Variants in SMG1 observed in about 807,000 individuals in gnomAD.
SMG1 encodes the protein SMG1 nonsense mediated mRNA decay associated PI3K related kinase.
A neutral mutation model predicts 419.9 loss-of-function variants in SMG1; 22 were observed. The ratio of observed to expected loss-of-function variants is 0.05; its 90% CI spans 0.04 to 0.07. The LOEUF (loss-of-function observed/expected upper bound fraction) is 0.07. Ranked by LOEUF, SMG1 falls within the 10% of genes least tolerant of loss-of-function variation. SMG1 has a pLI of 1.00. For synonymous variants in SMG1, 1,538 were observed against 1,553.5 expected (o/e 0.99, Z 0.23); for missense variants, 3,185 against 4,342.0 (o/e 0.73, Z 7.49).
intron 13 of SMG1, among the ~76,000 whole-genome samples, chr16:18,873,376 T>C (rs1444331934): frequency 1.3e-5 from 2 of 152,068 alleles, no homozygotes; most frequent in African/African-American, 4.8e-5. Flanking sequence ...CCCATCACCA[T>C]GCCCTGCTAA....
chr16:18,863,591 T>C (rs1486941764), intron 25 of SMG1, 59 bp downstream of exon 25: 11 of 1,441,648 alleles, frequency 7.6e-6, no homozygotes, highest in Admixed American at 3.4e-5. Context: ...TTTCTTGCCA[T>C]AGGAAAAACA....
intron 56 of SMG1, among the ~76,000 whole-genome samples, chr16:18,819,251 CCT>C (rs1198480838): frequency 6.6e-6 from 1 of 152,094 alleles, no homozygotes; most frequent in Non-Finnish European, 1.5e-5. Context: ...GAATTTAAGA[CCT>C]CTTTATTTTT....
rs66730720 is a variant in SMG1, at chr16:18,827,856, CTATA to C, written c.9741+171_9741+174del. 2.1e-4 allele frequency among the ~76,000 whole-genome samples: 30 copies of C among 143,806 alleles called. No individual in the cohort carries two copies. The South Asian group carries it at 2.4e-3, about 11-fold the overall frequency. 94.3% of individuals were successfully genotyped at this position (143,806 alleles called of 152,430 possible). On this transcript the variant is annotated intron_variant, in intron 55 of 62. Transcript: ENST00000446231. ...TTATATATCTTTGGTATATATATAC[CTATA>C]TATATATATATATGTATAAATTAAA... is the stretch of plus-strand genomic sequence containing the variant.
At chr16:18,900,204 T>C in intron 1 of SMG1, 2 of 518,692 alleles carry the variant, frequency 3.9e-6, no homozygotes, top group Admixed American at 3.3e-5. Context: ...AAAGCCACTC[T>C]GTGCCTTACA....
At chr16:18,828,235 G>C in intron 54 of SMG1, 67 bp from the exon 55 acceptor site, 2 of 1,533,504 alleles carry the variant, frequency 1.3e-6, no homozygotes, top group Non-Finnish European at 1.8e-6. Context: ...TAAGGGAAGG[G>C]AGGCGCAACC....
intron 55 of SMG1, among the ~76,000 whole-genome samples, chr16:18,820,296 G>A (rs1297804746): frequency 6.6e-6 from 1 of 151,390 alleles, no homozygotes; most frequent in Non-Finnish European, 1.5e-5. Flanking sequence ...CCCGCCTCCT[G>A]AGCTCAAGCC....
In SMG1 at chr16:18,839,872, A is replaced by T; in HGVS notation, c.6771T>A (p.Ile2257=). 1 of 1,612,750 alleles carries T rather than the reference A, an allele frequency of 6.2e-7. No individual in the cohort carries two copies. The highest frequency in any genetic ancestry group is 1.3e-5 in the African/African-American group (1 of 75,054). Residue 2257 remains isoleucine (I), a synonymous_variant, in exon 42 of 63, where the codon ATT becomes ATA. Coordinates refer to ENST00000446231, the MANE Select transcript of SMG1 (RefSeq NM_015092.5). ...PRPSELYYSK[I]GPALKTVGLS... is the part of the protein sequence containing the mutation. ...GCCCAACTGTTTTCAAAGCAGGGCC[A>T]ATTTTACTGTAATAAAGTTCACTAG... is the stretch of plus-strand genomic sequence containing the variant.
chr16:18,856,188 G>A (rs2034891893), intron 29 of SMG1: 1 of 150,054 alleles, frequency 6.7e-6, no homozygotes, highest in African/African-American at 2.5e-5. Flanking sequence ...TTTGAGACCG[G>A]GTGTCACTCT....
intron 29 of SMG1, chr16:18,856,657 A>T (rs996472342): frequency 6.6e-6 from 1 of 152,006 alleles, no homozygotes; most frequent in Admixed American, 6.6e-5. Context: ...GTGATTTTTT[A>T]AATTCTTCTA....
chr16:18,835,835 G>A, intron 48 of SMG1, 98 bp downstream of exon 48: 1 of 1,163,458 alleles, frequency 8.6e-7, no homozygotes, highest in Admixed American at 2.2e-5. Context: ...AGAGACGGAG[G>A]TTGCAGTGAG....
chr16:18,807,668 T>C lies in SMG1; in HGVS notation c.*1901A>G, dbSNP rs2030963682. On this transcript the variant is annotated 3_prime_UTR_variant, in exon 63 of 63. Coordinates refer to ENST00000446231, the MANE Select transcript of SMG1 (RefSeq NM_015092.5). Reference sequence around the variant, plus strand: ...TGTGGAATTTTTTCCTTAATACCTTTCAAGTTTGTCTGTGAAGACGGCAAC... The same window carrying C: ...TGTGGAATTTTTTCCTTAATACCTTCCAAGTTTGTCTGTGAAGACGGCAAC... 1 of 152,202 alleles carries C rather than the reference T, an allele frequency of 6.6e-6. No individual in the cohort carries two copies. Among genetic ancestry groups the C allele is most frequent in the African/African-American group, 2.4e-5 (1 of 41,460 alleles). The allele number at this position is 152,202 out of a possible 1,614,324, so 9.4% of individuals were successfully genotyped here.
At chr16:18,810,157 A>G (rs2031247660) in intron 62 of SMG1, among the ~76,000 whole-genome samples, 2 of 152,198 alleles carry the variant, frequency 1.3e-5, no homozygotes, top group Non-Finnish European at 2.9e-5. Flanking sequence ...AAAAAAATGT[A>G]CATTTATAAT....
intron 6 of SMG1, among the ~76,000 whole-genome samples, chr16:18,887,794 A>C (rs1312765110): frequency 1.5e-5 from 2 of 131,514 alleles, no homozygotes; most frequent in Non-Finnish European, 1.6e-5. Flanking sequence ...AAAAAAAAAA[A>C]AAAAACCCTA....
chr16:18,926,136 G>C lies in SMG1; in HGVS notation c.-95C>G, dbSNP rs1375918053. 6 of 1,128,530 alleles carry C rather than the reference G, an allele frequency of 5.3e-6. No individual in the cohort carries two copies. Among genetic ancestry groups the C allele is most frequent in the Non-Finnish European group, 7.3e-6 (6 of 821,356 alleles). The allele number at this position is 1,128,530 out of a possible 1,614,324, so 69.9% of individuals were successfully genotyped here. A position where few individuals can be genotyped will look rare whatever the true frequency, so the allele number is the denominator to read the frequency against. On this transcript the variant is annotated 5_prime_UTR_variant, in exon 1 of 63. Transcript: ENST00000446231. ...GCCGCCGACACCCCGCTCCGGCCCG[G>C]GGCTGAGGAGGAAGCCGAGAAGGAG... is the stretch of plus-strand genomic sequence containing the variant.
Position 18,838,243 on chromosome 16 carries a change from G to GATTCAGT in SMG1, c.7195-12_7195-11insACTGAAT. 6.2e-7 allele frequency: 1 copy of GATTCAGT among 1,609,246 alleles called. No individual in the cohort carries two copies. On this transcript the variant is annotated splice_polypyrimidine_tract_variant and intron_variant, in intron 44 of 62. Transcript: ENST00000446231. ...CATAATGTGTAAAACCTGTTTTCAG[G>GATTCAGT]AGAGTTTTTAAAATAAGGTCTGCCA...
chr16:18,924,330 TCTC>T (rs1332189016), intron 1 of SMG1, among the ~76,000 whole-genome samples: 12 of 152,232 alleles, frequency 7.9e-5, no homozygotes, highest in African/African-American at 2.9e-4. Context: ...CTGCGACTCT[TCTC>T]TATTTATTTA....
At chr16:18,910,160 G>A (rs1199519916) in intron 1 of SMG1, among the ~76,000 whole-genome samples, 1 of 151,048 alleles carries the variant, frequency 6.6e-6, no homozygotes, top group Non-Finnish European at 1.5e-5. Flanking sequence ...TCGACCTCCT[G>A]GGCTAAGGCA....
At chr16:18,834,142 G>A in intron 50 of SMG1, 62 bp downstream of exon 50, 2 of 1,242,004 alleles carry the variant, frequency 1.6e-6, no homozygotes, top group Non-Finnish European at 2.3e-6. Flanking sequence ...CTGGGTTAAA[G>A]AGATGAGAAA....
chr16:18,817,474 T>C lies in SMG1; in HGVS notation c.9895-4A>G. ...TATTGCTGCAGAGAAATGTGACCTG[T>C]AAAGACAGAAATGGAACCACAAGAG... is the stretch of plus-strand genomic sequence containing the variant. On this transcript the variant is annotated splice_region_variant and splice_polypyrimidine_tract_variant and intron_variant, in intron 56 of 62. Transcript: ENST00000446231. The C allele has an allele frequency of 6.4e-7, 1 of 1,562,382 alleles. No homozygotes were observed.
Sources: gnomAD v4.1 joint callset for allele counts (sites outside exome capture counted in the v4.1 genomes callset) on GRCh38, gnomAD v4.1.1 for gene constraint, MANE v1.5 for transcripts, NCBI Gene and HGNC (gene_info 2026-07-23, HGNC 2026-07-21) for gene names.